Variants in PIR observed in about 807,000 individuals in gnomAD.
PIR encodes the protein pirin, also known as pirin (iron-binding nuclear protein).
In PIR, 22 loss-of-function variants were observed where a neutral mutation model predicts 24.2. The ratio of observed to expected loss-of-function variants is 0.91; its 90% CI spans 0.65 to 1.30. The LOEUF (loss-of-function observed/expected upper bound fraction) is 1.30. PIR is among the 50% of genes most tolerant of loss of function. The pLI is 0.00. For synonymous variants in PIR, 80 were observed against 79.6 expected (o/e 1.00, Z -0.03); for missense variants, 220 against 220.3 (o/e 1.00, Z 0.01).
At chrX:15,488,278 C>CAAAAAAAAA (rs1184870069) in intron 2 of PIR, among the ~76,000 whole-genome samples, 6 of 31,763 alleles carry the variant, frequency 1.9e-4, no homozygotes, top group Non-Finnish European at 1.9e-4. Context: ...AACTCCGTCT[C>CAAAAAAAAA]AAAAAAAAAA....
intron 5 of PIR, among the ~76,000 whole-genome samples, chrX:15,447,493 T>C (rs1926147351): frequency 9.0e-6 from 1 of 111,590 alleles, no homozygotes; most frequent in African/African-American, 3.3e-5. Context: ...TTTGTTTTTG[T>C]ATTTTTAGTA....
chrX:15,394,831 C>T (rs1364922124), intron 8 of PIR, among the ~76,000 whole-genome samples: 1 of 111,932 alleles, frequency 8.9e-6, no homozygotes, highest in African/African-American at 3.2e-5. Flanking sequence ...ACAGGGAAAC[C>T]TGGGGCAGAA....
At chrX:15,418,615 T>C (rs1024377352) in intron 6 of PIR, among the ~76,000 whole-genome samples, 1 of 111,983 alleles carries the variant, frequency 8.9e-6, no homozygotes, top group Non-Finnish European at 1.9e-5. Context: ...AAATCATCAC[T>C]GCATGAAACA....
intron 6 of PIR, among the ~76,000 whole-genome samples, chrX:15,409,990 C>G (rs1171268368): frequency 9.0e-6 from 1 of 110,747 alleles, no homozygotes; most frequent in Non-Finnish European, 1.9e-5. Flanking sequence ...CGGTCACTCA[C>G]GCCTGTAATC....
chrX:15,408,921 T>G (rs1169497861), intron 6 of PIR, among the ~76,000 whole-genome samples: 1 of 111,710 alleles, frequency 9.0e-6, no homozygotes, highest in Non-Finnish European at 1.9e-5. Flanking sequence ...AAAACATAAA[T>G]TAAGTCTCAC....
At chrX:15,425,497 C>T (rs780290999) in intron 6 of PIR, among the ~76,000 whole-genome samples, 23 of 107,213 alleles carry the variant, frequency 2.1e-4, no homozygotes, top group East Asian at 1.5e-3. Flanking sequence ...CTGCAACCTC[C>T]GCCTCCCGGG....
intron 7 of PIR, among the ~76,000 whole-genome samples, chrX:15,398,504 G>A (rs993258948): frequency 9.0e-6 from 1 of 111,008 alleles, no homozygotes; most frequent in African/African-American, 3.3e-5. Context: ...AGGGAAATCT[G>A]GGGGAAAGGG....
intron 4 of PIR, among the ~76,000 whole-genome samples, chrX:15,456,998 T>C (rs962524916): frequency 8.9e-6 from 1 of 112,190 alleles, no homozygotes; most frequent in African/African-American, 3.2e-5. Flanking sequence ...GACAAAGACA[T>C]GTGCAGGTTG....
In PIR at chrX:15,478,023, C is replaced by CCCA. The variant is rs1555962085; in HGVS notation, c.189+1703_189+1705dup. 4.7e-4 allele frequency among the ~76,000 whole-genome samples: 48 copies of CCCA among 102,664 alleles called. 1 individual carries two copies. The East Asian group carries it at 0.013, about 27-fold the overall frequency. 89.2% of individuals were successfully genotyped at this position (102,664 alleles called of 115,157 possible). A position where few individuals can be genotyped will look rare whatever the true frequency, so the allele number is the denominator to read the frequency against. The stretch of plus-strand genomic sequence containing the variant: ...ATAATTTATAAAGTATTCCCCCCCC[C>CCCA]CCAGAAAGCATTTTCCATAATGGAA... On this transcript the variant is annotated intron_variant, in intron 3 of 9. Transcript: ENST00000380420.
chrX:15,387,322 C>T (rs1569190854), intron 9 of PIR, among the ~76,000 whole-genome samples: 1 of 109,028 alleles, frequency 9.2e-6, no homozygotes, highest in African/African-American at 3.3e-5. Context: ...GTCTCAAACT[C>T]CTGACCTCAA....
intron 3 of PIR, among the ~76,000 whole-genome samples, chrX:15,467,356 C>A (rs190779094): frequency 1.8e-5 from 2 of 112,511 alleles, no homozygotes; most frequent in African/African-American, 3.2e-5. Context: ...TTGCCAGTAA[C>A]GTATGTGCTG....
At chrX:15,465,487 T>C (rs1240904613) in intron 3 of PIR, among the ~76,000 whole-genome samples, 4 of 111,897 alleles carry the variant, frequency 3.6e-5, no homozygotes, top group Non-Finnish European at 7.5e-5. Flanking sequence ...CACAAACACC[T>C]GGAGAATTGC....
At chrX:15,394,764 A>C (rs1430873620) in intron 8 of PIR, among the ~76,000 whole-genome samples, 2 of 112,077 alleles carry the variant, frequency 1.8e-5, no homozygotes, top group African/African-American at 6.5e-5. Context: ...TTAAATGTCC[A>C]GAGTAGTCTG....
intron 3 of PIR, among the ~76,000 whole-genome samples, chrX:15,472,558 G>A (rs966761006): frequency 2.7e-5 from 3 of 112,266 alleles, no homozygotes; most frequent in Non-Finnish European, 5.6e-5. Context: ...CTAAGTGAAA[G>A]AGACCAACCA....
chrX:15,390,177 G>T lies in PIR; in HGVS notation c.760+8C>A. The T allele has an allele frequency of 9.5e-7, 1 of 1,048,417 alleles. No homozygotes were observed. The highest frequency in any genetic ancestry group is 1.3e-6 in the Non-Finnish European group (1 of 765,968). The allele number at this position is 1,048,417 out of a possible 1,213,427, so 86.4% of individuals were successfully genotyped here. ...CAACCAAGAAAATCATTGTCATTTT[G>T]GTCTTACCATGTTGGATAACTGGTT... On this transcript the variant is annotated splice_region_variant and intron_variant, in intron 9 of 9. Transcript: ENST00000380420.
chrX:15,425,556 C>A (rs1407412099), intron 6 of PIR, among the ~76,000 whole-genome samples: 1 of 110,100 alleles, frequency 9.1e-6, no homozygotes, highest in Non-Finnish European at 1.9e-5. Flanking sequence ...GGACTACAGG[C>A]GTGCGCCACC....
chrX:15,490,707 G>A (rs1476070532), intron 2 of PIR, among the ~76,000 whole-genome samples: 1 of 111,994 alleles, frequency 8.9e-6, no homozygotes, highest in Non-Finnish European at 1.9e-5. Context: ...CTAAATCCTT[G>A]GCAACGGCAG....
At chrX:15,452,445 T>C (rs994760979) in intron 5 of PIR, among the ~76,000 whole-genome samples, 2 of 111,624 alleles carry the variant, frequency 1.8e-5, no homozygotes, top group African/African-American at 3.3e-5. Context: ...CTCAGACACA[T>C]ACAACCTGGG....
chrX:15,392,965 T>C (rs1413512390), intron 8 of PIR, among the ~76,000 whole-genome samples: 1 of 112,522 alleles, frequency 8.9e-6, no homozygotes, highest in Non-Finnish European at 1.9e-5. Flanking sequence ...AAAGTCCTTG[T>C]CTATGATGAC....
Sources: gnomAD v4.1 joint callset for allele counts (sites outside exome capture counted in the v4.1 genomes callset) on GRCh38, gnomAD v4.1.1 for gene constraint, MANE v1.5 for transcripts, NCBI Gene and HGNC (gene_info 2026-07-23, HGNC 2026-07-21) for gene names.